KLHL2: variants seen among roughly 807,000 people sequenced by gnomAD.
KLHL2 encodes kelch-like protein 2.
A neutral mutation model predicts 75.8 loss-of-function variants in KLHL2; 15 were observed. The ratio of observed to expected loss-of-function variants is 0.20; its 90% CI spans 0.13 to 0.30. The LOEUF (loss-of-function observed/expected upper bound fraction) is 0.30, where lower values mean the gene tolerates loss of function less well. Ranked by LOEUF, KLHL2 falls within the 10% of genes least tolerant of loss-of-function variation. KLHL2 has a pLI of 1.00. For synonymous variants in KLHL2, 214 were observed against 251.9 expected (o/e 0.85, Z 1.42); for missense variants, 381 against 741.0 (o/e 0.51, Z 5.64).
At chr4:165,234,938 G>A (rs1739211276) in intron 3 of KLHL2, among the ~76,000 whole-genome samples, 1 of 152,096 alleles carries the variant, frequency 6.6e-6, no homozygotes, top group Non-Finnish European at 1.5e-5. Context: ...GTTCAAGGCT[G>A]CAGTGAGCTG....
At chr4:165,310,465 C>T (rs1579179740) in intron 9 of KLHL2, 88 bp from the exon 10 acceptor site, 1 of 1,091,042 alleles carries the variant, frequency 9.2e-7, no homozygotes, top group East Asian at 2.4e-5. Context: ...GTTCTGACAA[C>T]AGCTATAGAT....
intron 9 of KLHL2, among the ~76,000 whole-genome samples, chr4:165,310,011 T>C (rs1392863544): frequency 6.6e-6 from 1 of 152,172 alleles, no homozygotes; most frequent in Non-Finnish European, 1.5e-5. Flanking sequence ...GTCAACATGG[T>C]ACTTTAGCCC....
At chr4:165,245,932 G>C (rs1740221352) in intron 4 of KLHL2, among the ~76,000 whole-genome samples, 1 of 151,796 alleles carries the variant, frequency 6.6e-6, no homozygotes, top group Non-Finnish European at 1.5e-5. Context: ...ATATTTATGG[G>C]GTATCTATTC....
At chr4:165,208,422 C>T (rs1266689873) in intron 1 of KLHL2, 3 of 152,200 alleles carry the variant, frequency 2.0e-5, no homozygotes, top group Non-Finnish European at 4.4e-5. Context: ...CCGTTCAGGG[C>T]ATGTGACCTC....
intron 4 of KLHL2, among the ~76,000 whole-genome samples, chr4:165,247,565 C>T (rs1045054271): frequency 6.6e-6 from 1 of 152,048 alleles, no homozygotes; most frequent in South Asian, 2.1e-4. Context: ...GAGGGGTTGG[C>T]ATCTAAAACA....
At chr4:165,256,546 C>G (rs938536537) in intron 4 of KLHL2, among the ~76,000 whole-genome samples, 1 of 152,170 alleles carries the variant, frequency 6.6e-6, no homozygotes, top group Non-Finnish European at 1.5e-5. Context: ...GAGGCAATCT[C>G]TAGTGAGTGG....
rs35038980 is a variant in KLHL2, at chr4:165,303,494, G to GCCCCCCCCCCCCCC, written c.922-2106_922-2105insCCCCCCCCCCCCCC. 4.9e-4 allele frequency among the ~76,000 whole-genome samples: 56 copies of GCCCCCCCCCCCCCC among 113,342 alleles called. 5 individuals are homozygous for GCCCCCCCCCCCCCC. Among genetic ancestry groups the GCCCCCCCCCCCCCC allele is most frequent in the Non-Finnish European group, 1.0e-3 (46 of 45,538 alleles). The allele number at this position is 113,342 out of a possible 152,430, so 74.4% of individuals were successfully genotyped here. ...CCAATTCTGTAATTTTTACAACCTT[G>GCCCCCCCCCCCCCC]CCCCCCCCGCCGTTTTTGGGTGGTC... On this transcript the variant is annotated intron_variant, in intron 8 of 14. Transcript: ENST00000226725.
At chr4:165,241,901 G>A (rs1739848613) in intron 4 of KLHL2, among the ~76,000 whole-genome samples, 2 of 152,056 alleles carry the variant, frequency 1.3e-5, no homozygotes, top group East Asian at 1.9e-4. Flanking sequence ...TCCAAAGAAG[G>A]GACTATTGTT....
At chr4:165,209,186 G>A (rs1198313206) in intron 1 of KLHL2, among the ~76,000 whole-genome samples, 3 of 152,176 alleles carry the variant, frequency 2.0e-5, no homozygotes, top group African/African-American at 7.2e-5. Context: ...ATTTGGTCAT[G>A]TTCTTCAGCA....
intron 1 of KLHL2, among the ~76,000 whole-genome samples, chr4:165,214,166 T>C (rs1208813464): frequency 6.6e-6 from 1 of 152,102 alleles, no homozygotes; most frequent in African/African-American, 2.4e-5. Flanking sequence ...TGTATCCCAG[T>C]CAACTGAATT....
intron 1 of KLHL2, among the ~76,000 whole-genome samples, chr4:165,210,447 A>G (rs1737129773): frequency 6.6e-6 from 1 of 151,966 alleles, no homozygotes; most frequent in Non-Finnish European, 1.5e-5. Context: ...CTTGCCTCCA[A>G]CTTTCATCCT....
chr4:165,301,489 T>A (rs1745346649), intron 8 of KLHL2, among the ~76,000 whole-genome samples: 1 of 152,216 alleles, frequency 6.6e-6, no homozygotes, highest in Admixed American at 6.5e-5. Flanking sequence ...CCTTAATACC[T>A]CAGTATTCAT....
intron 3 of KLHL2, among the ~76,000 whole-genome samples, chr4:165,230,778 G>A (rs1275735138): frequency 6.6e-6 from 1 of 152,142 alleles, no homozygotes; most frequent in Non-Finnish European, 1.5e-5. Flanking sequence ...TCTCTTTTCT[G>A]TTTGCTTTAT....
Position 165,323,002 on chromosome 4 carries a change from T to C in KLHL2, c.*942T>C, listed in dbSNP as rs1165741603. On this transcript the variant is annotated 3_prime_UTR_variant, in exon 15 of 15. Transcript: ENST00000226725. Reference sequence around the variant, plus strand: ...TTTTTTCTGTGTGTATAAATTTAGCTGCTATTAACAGAAGAGAGAACTTTC... The same window carrying C: ...TTTTTTCTGTGTGTATAAATTTAGCCGCTATTAACAGAAGAGAGAACTTTC... 6.6e-6 allele frequency: 1 copy of C among 152,648 alleles called. No homozygotes were observed. The highest frequency in any genetic ancestry group is 2.4e-5 in the African/African-American group (1 of 41,464). The allele number at this position is 152,648 out of a possible 1,614,324, so 9.5% of individuals were successfully genotyped here.
intron 4 of KLHL2, among the ~76,000 whole-genome samples, chr4:165,250,123 C>CAA (rs55913995): frequency 6.0e-4 from 81 of 134,630 alleles, no homozygotes; most frequent in African/African-American, 1.3e-3. Context: ...GACTCCGTCT[C>CAA]AAAAAAAAAA....
intron 11 of KLHL2, among the ~76,000 whole-genome samples, chr4:165,311,885 C>T (rs1207920344): frequency 2.7e-5 from 4 of 149,442 alleles, no homozygotes; most frequent in Admixed American, 6.7e-5. Flanking sequence ...TTATATAACA[C>T]GTGTGTGTTT....
chr4:165,318,566 T>C (rs182099697), intron 14 of KLHL2, among the ~76,000 whole-genome samples: 2 of 152,332 alleles, frequency 1.3e-5, no homozygotes, highest in East Asian at 3.9e-4. Context: ...ATGTTTAAGC[T>C]CATTAACCAT....
At chr4:165,246,788 G>A (rs146900668) in intron 4 of KLHL2, among the ~76,000 whole-genome samples, 6,413 of 152,244 alleles carry the variant, frequency 0.042, 292 homozygotes, top group African/African-American at 0.11. Flanking sequence ...TACAAGTGGA[G>A]ATGCTGAATA....
intron 5 of KLHL2, chr4:165,278,952 G>A (rs775311346): frequency 4.1e-6 from 6 of 1,470,338 alleles, no homozygotes; most frequent in Non-Finnish European, 5.7e-6. Context: ...CTCCGAACAT[G>A]TGGAAGAATT....
Sources: gnomAD v4.1 joint callset for allele counts (sites outside exome capture counted in the v4.1 genomes callset) on GRCh38, gnomAD v4.1.1 for gene constraint, MANE v1.5 for transcripts, NCBI Gene and HGNC (gene_info 2026-07-23, HGNC 2026-07-21) for gene names.